Variants in BACH2 observed in about 807,000 individuals in gnomAD.
The protein encoded by BACH2 is BACH transcriptional regulator 2.
A neutral mutation model predicts 61.8 loss-of-function variants in BACH2; 5 were observed. The observed-to-expected ratio is 0.08, with a 90% CI of 0.04 to 0.17. BACH2 has a LOEUF of 0.17. BACH2 is among the 10% of genes least tolerant of loss of function. The probability of loss-of-function intolerance (pLI) is 1.00; values close to 1 mark genes in which losing one functional copy is unlikely to be tolerated. For synonymous variants in BACH2, 446 were observed against 440.1 expected, an observed-to-expected ratio of 1.01 and a Z score of -0.17; for missense variants, 824 against 1,091.1, an observed-to-expected ratio of 0.76 and a Z score of 3.45.
At chr6:89,934,713 A>G (rs1240893022) in intron 8 of BACH2, among the ~76,000 whole-genome samples, 1 of 152,104 alleles carries the variant, frequency 6.6e-6, no homozygotes, top group African/African-American at 2.4e-5. Flanking sequence ...GGGTTCCATG[A>G]GGCACACACA....
chr6:90,039,472 C>T (rs767990319), intron 5 of BACH2, among the ~76,000 whole-genome samples: 2 of 152,082 alleles, frequency 1.3e-5, no homozygotes, highest in Admixed American at 6.5e-5. Flanking sequence ...GCAATGTCCG[C>T]GTCCCAGGTT....
chr6:90,136,280 A>T (rs961335903), intron 4 of BACH2, among the ~76,000 whole-genome samples: 40 of 152,294 alleles, frequency 2.6e-4, no homozygotes, highest in African/African-American at 9.6e-4. Context: ...GATAAATAGG[A>T]CTATTAACAC....
intron 3 of BACH2, among the ~76,000 whole-genome samples, chr6:90,251,198 T>C (rs952980151): frequency 1.3e-5 from 2 of 152,114 alleles, no homozygotes; most frequent in Non-Finnish European, 2.9e-5. Context: ...CAACTTACTG[T>C]CCTTTTGATG....
intron 4 of BACH2, among the ~76,000 whole-genome samples, chr6:90,133,027 A>G (rs1044541482): frequency 3.3e-5 from 5 of 152,208 alleles, no homozygotes; most frequent in Non-Finnish European, 7.3e-5. Flanking sequence ...TAAGTAGAGT[A>G]CTTCCTTTTG....
chr6:90,101,573 C>T (rs1782629752), intron 4 of BACH2, among the ~76,000 whole-genome samples: 5 of 152,158 alleles, frequency 3.3e-5, no homozygotes, highest in Admixed American at 3.3e-4. Context: ...ACTACACTAT[C>T]TTATAGGATG....
At chr6:90,101,523 C>T (rs1345871260) in intron 4 of BACH2, among the ~76,000 whole-genome samples, 1 of 152,158 alleles carries the variant, frequency 6.6e-6, no homozygotes, top group East Asian at 1.9e-4. Flanking sequence ...GTTCTGGAAC[C>T]CTTGTTGAAA....
At chr6:90,115,054 C>T (rs999766685) in intron 4 of BACH2, among the ~76,000 whole-genome samples, 5 of 152,094 alleles carry the variant, frequency 3.3e-5, no homozygotes, top group African/African-American at 9.7e-5. Flanking sequence ...ATCCCATGCG[C>T]GTGGATAGGA....
intron 5 of BACH2, among the ~76,000 whole-genome samples, chr6:90,026,905 G>A (rs1582220973): frequency 1.3e-5 from 2 of 152,164 alleles, no homozygotes; most frequent in East Asian, 1.9e-4. Context: ...TAGATTGCAA[G>A]TTGGTTCACC....
Position 89,951,728 on chromosome 6 carries a change from G to T in BACH2, c.378C>A (p.Phe126Leu). The part of the protein sequence containing the change: ...LRMHNLEDSC[F>L]SFLQTQLLNS... Reference sequence around the variant, plus strand: ...TCAGGAGCTGGGTCTGCAGGAAGCTGAAGCAGGAGTCCTCCAGGTTGTGCA... The same window carrying T: ...TCAGGAGCTGGGTCTGCAGGAAGCTTAAGCAGGAGTCCTCCAGGTTGTGCA... Residue 126 changes from phenylalanine (F) to leucine (L), a missense_variant, in exon 7 of 9, where the codon TTC becomes TTA. Phe to Leu is a conservative substitution (Grantham distance 22). Transcript: ENST00000257749. The surrounding 1 kb of genome is among the most constrained non-coding windows in gnomAD (Gnocchi z 6.4). 6.2e-7 allele frequency: 1 copy of T among 1,614,232 alleles called. No individual in the cohort carries two copies. Among genetic ancestry groups the T allele is most frequent in the Non-Finnish European group, 8.5e-7 (1 of 1,180,036 alleles).
At chr6:90,073,416 T>C (rs747988525) in intron 5 of BACH2, among the ~76,000 whole-genome samples, 10 of 152,234 alleles carry the variant, frequency 6.6e-5, no homozygotes, top group Non-Finnish European at 1.2e-4. Context: ...CAATTATCAG[T>C]AGGCAATCTT....
In BACH2 at chr6:90,062,067, A is replaced by C. The variant is rs568011111; in HGVS notation, c.-13+26894T>G. 2.0e-4 allele frequency among the ~76,000 whole-genome samples: 30 copies of C among 152,314 alleles called. 1 individual carries two copies. Among genetic ancestry groups the C allele is most frequent in the Non-Finnish European group, 4.0e-4 (27 of 68,026 alleles). On this transcript the variant is annotated intron_variant, in intron 5 of 8. Transcript: ENST00000257749. ...ATGCCAATGGGAAAGATTTAGTACAAAGGGAGAAACTGATCATGCAGGAAA... is the reference window on the plus strand; with the variant it reads ...ATGCCAATGGGAAAGATTTAGTACACAGGGAGAAACTGATCATGCAGGAAA...
chr6:90,065,887 A>G (rs1780938955), intron 5 of BACH2, among the ~76,000 whole-genome samples: 1 of 152,240 alleles, frequency 6.6e-6, no homozygotes, highest in Non-Finnish European at 1.5e-5. Flanking sequence ...CTAAATGTCA[A>G]AATGAATGAT....
intron 6 of BACH2, among the ~76,000 whole-genome samples, chr6:89,975,636 T>TA (rs1398372383): frequency 6.6e-6 from 1 of 152,224 alleles, no homozygotes; most frequent in Non-Finnish European, 1.5e-5. Context: ...ACAAACTACT[T>TA]GTTAAATAAT....
At chr6:89,952,443 GTCA>G (rs1232917398) in intron 6 of BACH2, among the ~76,000 whole-genome samples, 1 of 152,036 alleles carries the variant, frequency 6.6e-6, no homozygotes, top group African/African-American at 2.4e-5. Flanking sequence ...GAGACTTTCG[GTCA>G]TCATGTCTAC....
chr6:90,048,474 AG>A (rs1779890951), intron 5 of BACH2, among the ~76,000 whole-genome samples: 1 of 152,174 alleles, frequency 6.6e-6, no homozygotes, highest in Non-Finnish European at 1.5e-5. Flanking sequence ...GGCAAAGGAA[AG>A]GTCTTTGGTG....
chr6:89,948,116 G>A (rs1773855159), intron 7 of BACH2, among the ~76,000 whole-genome samples: 1 of 152,070 alleles, frequency 6.6e-6, no homozygotes, highest in Admixed American at 6.5e-5. Context: ...CGAGGGTGGG[G>A]GGACACAAAA....
At chr6:90,209,884 T>C (rs1264842296) in intron 3 of BACH2, among the ~76,000 whole-genome samples, 1 of 152,146 alleles carries the variant, frequency 6.6e-6, no homozygotes, top group Non-Finnish European at 1.5e-5. Flanking sequence ...AAAATAAATA[T>C]TACGATAGTT....
At chr6:90,260,494 T>C (rs954210709) in intron 2 of BACH2, among the ~76,000 whole-genome samples, 14 of 152,196 alleles carry the variant, frequency 9.2e-5, no homozygotes, top group Middle Eastern at 6.3e-3. Context: ...GTTCTATGTA[T>C]ACTCTAGAAA....
intron 5 of BACH2, among the ~76,000 whole-genome samples, chr6:90,026,034 AG>A (rs1778619238): frequency 1.3e-5 from 2 of 152,162 alleles, no homozygotes. Flanking sequence ...GTGGGAGGGG[AG>A]TTCCCAGAAC....
Sources: gnomAD v4.1 joint callset for allele counts (sites outside exome capture counted in the v4.1 genomes callset) on GRCh38, gnomAD v4.1.1 for gene constraint, Gnocchi (gnomAD v3.1) non-coding constraint, MANE v1.5 for transcripts, NCBI Gene and HGNC (gene_info 2026-07-23, HGNC 2026-07-21) for gene names.